TNPO2: variants seen among roughly 807,000 people sequenced by gnomAD.
The protein encoded by TNPO2 is transportin-2.
TNPO2 carries 16 observed loss-of-function variants against 111.1 expected under a neutral mutation model. The ratio of observed to expected loss-of-function variants is 0.14; its 90% CI spans 0.10 to 0.22. TNPO2 has a LOEUF of 0.22. TNPO2 is among the 10% of genes least tolerant of loss of function. TNPO2 has a pLI of 1.00. For missense variants in TNPO2, 530 were observed against 1,173.7 expected (o/e 0.45, Z 8.01); for synonymous variants, 481 against 475.8 (o/e 1.01, Z -0.14).
chr19:12,703,386 A>G (rs755844174), intron 20 of TNPO2, 42 bp downstream of exon 20: 2 of 1,570,790 alleles, frequency 1.3e-6, no homozygotes, highest in African/African-American at 2.7e-5. Context: ...GGTTGAGAAC[A>G]GGCTAATGGG....
chr19:12,701,525 G>GGCCCCATTGTTACCA lies in TNPO2; in HGVS notation c.2586+58_2586+72dup. The GGCCCCATTGTTACCA allele has an allele frequency of 3.1e-6, 5 of 1,599,550 alleles. No individual in the cohort carries two copies. The highest frequency in any genetic ancestry group is 4.3e-6 in the Non-Finnish European group (5 of 1,167,058). On this transcript the variant is annotated intron_variant, in intron 24 of 25. Transcript: ENST00000425528. The surrounding 1 kb of genome is among the most constrained non-coding windows in gnomAD (Gnocchi z 5.0). ...GAGTGCGCCTCTTCCCCCATCCCCAGGCCCCATTGTTACCAGATGGTCTCA... is the reference window on the plus strand; with the variant it reads ...GAGTGCGCCTCTTCCCCCATCCCCAGGCCCCATTGTTACCAGCCCCATTGTTACCAGATGGTCTCA...
At position 12,700,152 on chromosome 19, in the gene TNPO2, G is replaced by A. The variant is rs1011743360; in HGVS notation, c.*1112C>T. 1 of 152,090 alleles carries A rather than the reference G, an allele frequency of 6.6e-6. No homozygotes were observed. Among genetic ancestry groups the A allele is most frequent in the Non-Finnish European group, 1.5e-5 (1 of 68,036 alleles). The allele number at this position is 152,090 out of a possible 1,614,324, so 9.4% of individuals were successfully genotyped here. On this transcript the variant is annotated 3_prime_UTR_variant, in exon 26 of 26. Transcript: ENST00000425528. ...CAGGGAGATGGAATAGGGAACAGGG[G>A]ACACACCACCTTTCCCTTCCACCAA...
At chr19:12,707,030 G>A (rs10401842) in intron 13 of TNPO2, among the ~76,000 whole-genome samples, 20,694 of 152,058 alleles carry the variant, frequency 0.14, 4,224 homozygotes, top group African/African-American at 0.44. Flanking sequence ...GCAGAGTCTC[G>A]CTCTGTCGCC....
At position 12,702,339 on chromosome 19, in the gene TNPO2, A is replaced by G; in HGVS notation, c.2306-162T>C. On this transcript the variant is annotated intron_variant, in intron 21 of 25. Transcript: ENST00000425528. The surrounding 1 kb of genome is among the most constrained non-coding windows in gnomAD (Gnocchi z 5.5). ...CCTCATCACACCTGAGTCACTTCCC[A>G]GGTCTCTCTGCATCTATCTTTCTTT... 2.9e-6 allele frequency: 2 copies of G among 694,572 alleles called. No individual in the cohort carries two copies. The highest frequency in any genetic ancestry group is 5.2e-6 in the Non-Finnish European group (2 of 382,156). 43.0% of individuals were successfully genotyped at this position (694,572 alleles called of 1,614,324 possible). A position where few individuals can be genotyped will look rare whatever the true frequency, so the allele number is the denominator to read the frequency against.
At position 12,708,770 on chromosome 19, in the gene TNPO2, C is replaced by T. The variant is rs903512362; in HGVS notation, c.1270+1851G>A. Among the ~76,000 whole-genome samples the T allele has an allele frequency of 2.6e-5, 4 of 152,152 alleles. 1 individual carries two copies. Among genetic ancestry groups the T allele is most frequent in the African/African-American group, 9.6e-5 (4 of 41,528 alleles). On this transcript the variant is annotated intron_variant, in intron 13 of 25. Transcript: ENST00000425528. ...CCTGTAATTCCAACTACTTGGGAGG[C>T]TGAGGCAGGAGAATCTCTGGAACTC...
At position 12,719,235 on chromosome 19, in the gene TNPO2, C is replaced by A; in HGVS notation, c.175+26G>T. The A allele has an allele frequency of 6.2e-7, 1 of 1,613,884 alleles. No individual in the cohort carries two copies. The highest frequency in any genetic ancestry group is 2.2e-5 in the East Asian group (1 of 44,884). ...CAGGGGGAGAAAGCAGGGTCCCGAT[C>A]GCATGGAAGGGAGCAGAGGGCGTAC... On this transcript the variant is annotated intron_variant, in intron 4 of 25. Coordinates refer to ENST00000425528, the MANE Select transcript of TNPO2 (RefSeq NM_001382241.1). The surrounding 1 kb of genome is among the most constrained non-coding windows in gnomAD (Gnocchi z 5.0).
chr19:12,716,548 C>T (rs1049494342), intron 5 of TNPO2, among the ~76,000 whole-genome samples: 16 of 152,080 alleles, frequency 1.1e-4, no homozygotes, highest in Non-Finnish European at 8.8e-5. Context: ...ATCACTTGAA[C>T]CTGGGAGGCA....
chr19:12,706,091 C>T lies in TNPO2; in HGVS notation c.1668+105G>A, dbSNP rs146756518. On this transcript the variant is annotated intron_variant, in intron 15 of 25. Coordinates refer to ENST00000425528, the MANE Select transcript of TNPO2 (RefSeq NM_001382241.1). This position sits in a 1 kb window ranked among gnomAD's most constrained non-coding sequence, Gnocchi z 7.0. ...GGGCCGGGTCTGTCTGTCTGCCTGT[C>T]GAGGTCACGGCCACGTCCCTGGCGT... 2.1e-4 allele frequency: 272 copies of T among 1,316,372 alleles called. No homozygotes were observed. In the African/African-American group the frequency reaches 3.0e-3, roughly 14 times the overall value. 81.5% of individuals were successfully genotyped at this position (1,316,372 alleles called of 1,614,324 possible).
In TNPO2 at chr19:12,723,900, T is replaced by C. The variant is rs1045101495; in HGVS notation, c.-262A>G. ...CGCGGAAGACACCCTAAAGGAGCAG[T>C]TGGGATTCCGAGGTAGCCAGTTCCG... is the stretch of plus-strand genomic sequence containing the variant. On this transcript the variant is annotated 5_prime_UTR_variant, in exon 1 of 26. Transcript: ENST00000425528. The C allele has an allele frequency of 6.6e-6, 1 of 152,092 alleles. No homozygotes were observed. Among genetic ancestry groups the C allele is most frequent in the Non-Finnish European group, 1.5e-5 (1 of 68,012 alleles). The allele number at this position is 152,092 out of a possible 1,614,324, so 9.4% of individuals were successfully genotyped here.
chr19:12,714,109 T>G (rs78031721), intron 10 of TNPO2, among the ~76,000 whole-genome samples: 3,133 of 152,230 alleles, frequency 0.021, 94 homozygotes, highest in African/African-American at 0.071. Flanking sequence ...GGACTTTTGT[T>G]GGAAACACTG....
In TNPO2 at chr19:12,707,180, G is replaced by C. The variant is rs144141567; in HGVS notation, c.1271-385C>G. 5.3e-5 allele frequency among the ~76,000 whole-genome samples: 8 copies of C among 152,008 alleles called. 1 individual carries two copies. The highest frequency in any genetic ancestry group is 1.9e-4 in the African/African-American group (8 of 41,466). On this transcript the variant is annotated intron_variant, in intron 13 of 25. Coordinates refer to ENST00000425528, the MANE Select transcript of TNPO2 (RefSeq NM_001382241.1). ...GCCCGGGGAATTTTTTATATTTTCA[G>C]TAGAGACAGGGTTTTACCATGTTGA...
chr19:12,708,787 C>T (rs2025858599), intron 13 of TNPO2, among the ~76,000 whole-genome samples: 1 of 152,026 alleles, frequency 6.6e-6, no homozygotes, highest in Admixed American at 6.6e-5. Flanking sequence ...AGGAGAATCT[C>T]TGGAACTCGG....
intron 13 of TNPO2, among the ~76,000 whole-genome samples, chr19:12,708,446 TA>T (rs200508589): frequency 7.9e-4 from 119 of 151,154 alleles, no homozygotes; most frequent in African/African-American, 2.6e-3. Context: ...TTTTTTTTTT[TA>T]AAATATCACG....
intron 2 of TNPO2, chr19:12,722,007 C>T (rs1966997986): frequency 6.6e-6 from 1 of 151,864 alleles, no homozygotes; most frequent in South Asian, 2.1e-4. Context: ...CCCTCTAGGC[C>T]GAAGTCTGAC....
In TNPO2 at chr19:12,702,209, T is replaced by TGGCGG; in HGVS notation, c.2306-37_2306-33dup. ...CCCCGAGCGGCCCCGGGACGGTACG[T>TGGCGG]GGCGGGGCCTCTGGCACAAGGCACC... On this transcript the variant is annotated intron_variant, in intron 21 of 25. Transcript: ENST00000425528. The surrounding 1 kb of genome is among the most constrained non-coding windows in gnomAD (Gnocchi z 5.5). 2 of 1,584,122 alleles carry TGGCGG rather than the reference T, an allele frequency of 1.3e-6. No individual in the cohort carries two copies. Among genetic ancestry groups the TGGCGG allele is most frequent in the Non-Finnish European group, 8.6e-7 (1 of 1,160,504 alleles).
Position 12,705,952 on chromosome 19 carries a change from A to G in TNPO2, c.1669-184T>C. 4.2e-6 allele frequency: 2 copies of G among 474,610 alleles called. No homozygotes were observed. The highest frequency in any genetic ancestry group is 7.5e-6 in the Non-Finnish European group (2 of 265,922). 29.4% of individuals were successfully genotyped at this position (474,610 alleles called of 1,614,324 possible). A position where few individuals can be genotyped will look rare whatever the true frequency, so the allele number is the denominator to read the frequency against. On this transcript the variant is annotated intron_variant, in intron 15 of 25. Transcript: ENST00000425528. This position sits in a 1 kb window ranked among gnomAD's most constrained non-coding sequence, Gnocchi z 7.2. ...CACCTGTCCAAGCACCGCCCGCCCC[A>G]CCCCACCCCCCGGGAGCCTGGGTTA...
chr19:12,718,009 ATT>A (rs1015776174), intron 5 of TNPO2, among the ~76,000 whole-genome samples: 20 of 150,618 alleles, frequency 1.3e-4, no homozygotes, highest in African/African-American at 4.6e-4. Flanking sequence ...TTTTTATTTT[ATT>A]TAGTTTTTTT....
intron 13 of TNPO2, among the ~76,000 whole-genome samples, chr19:12,709,908 A>G (rs943758650): frequency 2.0e-5 from 3 of 152,138 alleles, no homozygotes; most frequent in African/African-American, 7.2e-5. Flanking sequence ...CGTGCACCAC[A>G]GTAACTAGAC....
Position 12,701,974 on chromosome 19 carries a change from G to A in TNPO2, c.2411+98C>T. On this transcript the variant is annotated intron_variant, in intron 22 of 25. Transcript: ENST00000425528. This position sits in a 1 kb window ranked among gnomAD's most constrained non-coding sequence, Gnocchi z 5.0. ...CATCTGTGGGGGTGGGGCAGGGCAGGGAGTCAGTAGGCAGATGGGGCTGGA... is the reference window on the plus strand; with the variant it reads ...CATCTGTGGGGGTGGGGCAGGGCAGAGAGTCAGTAGGCAGATGGGGCTGGA... 5 of 1,415,816 alleles carry A rather than the reference G, an allele frequency of 3.5e-6. No homozygotes were observed. The highest frequency in any genetic ancestry group is 1.2e-5 in the South Asian group (1 of 86,514). 87.7% of individuals were successfully genotyped at this position (1,415,816 alleles called of 1,614,324 possible).
Sources: allele counts gnomAD v4.1 joint callset (sites outside exome capture counted in the v4.1 genomes callset), GRCh38; gene constraint gnomAD v4.1.1; non-coding constraint Gnocchi (gnomAD v3.1); transcripts MANE v1.5; gene names NCBI Gene and HGNC (gene_info 2026-07-23, HGNC 2026-07-21).